Variants in IFT80 observed in about 807,000 individuals in gnomAD.
IFT80 encodes the protein intraflagellar transport protein 80 homolog.
A neutral mutation model predicts 107.9 loss-of-function variants in IFT80; 79 were observed. The ratio of observed to expected loss-of-function variants is 0.73; its 90% CI spans 0.61 to 0.88. The LOEUF is 0.88. IFT80 is among the 40% of genes least tolerant of loss of function. IFT80 has a pLI of 0.00. For missense variants in IFT80, 797 were observed against 914.2 expected (o/e 0.87, Z 1.65); for synonymous variants, 299 against 300.9 (o/e 0.99, Z 0.07).
intron 5 of IFT80, among the ~76,000 whole-genome samples, chr3:160,374,600 A>G (rs1363903758): frequency 6.6e-6 from 1 of 152,142 alleles, no homozygotes; most frequent in Non-Finnish European, 1.5e-5. Flanking sequence ...ACAGCAGCTG[A>G]AATTCTTGTA....
chr3:160,272,092 T>C (rs190558147), intron 18 of IFT80, among the ~76,000 whole-genome samples: 42 of 152,234 alleles, frequency 2.8e-4, no homozygotes, highest in Admixed American at 2.6e-3. Flanking sequence ...GTAAATTCTA[T>C]AGGTCCAGTT....
chr3:160,258,382 A>G lies in IFT80; in HGVS notation c.*143T>C. ...ATTACTTTGTGTTTCATCTTTCTGC[A>G]TGTACTTTTACACTAAATACACAGC... On this transcript the variant is annotated 3_prime_UTR_variant, in exon 20 of 20. Coordinates refer to ENST00000326448, the MANE Select transcript of IFT80 (RefSeq NM_020800.3). 1.0e-6 allele frequency: 1 copy of G among 959,308 alleles called. No individual in the cohort carries two copies. The highest frequency in any genetic ancestry group is 1.6e-6 in the Non-Finnish European group (1 of 640,498). 59.4% of individuals were successfully genotyped at this position (959,308 alleles called of 1,614,324 possible).
intron 1 of IFT80, among the ~76,000 whole-genome samples, chr3:160,389,287 T>C (rs1020407270): frequency 1.3e-5 from 2 of 152,198 alleles, no homozygotes; most frequent in Non-Finnish European, 2.9e-5. Context: ...TAGATTTATA[T>C]AGAAAAATGG....
intron 19 of IFT80, among the ~76,000 whole-genome samples, chr3:160,261,801 C>CA (rs557472950): frequency 0.12 from 7,989 of 66,434 alleles, 751 homozygotes; most frequent in African/African-American, 0.31. Context: ...GACCCTGTCT[C>CA]AAAAAAAAAA....
chr3:160,307,857 T>A, intron 9 of IFT80, 76 bp from the exon 10 acceptor site: 1 of 795,972 alleles, frequency 1.3e-6, no homozygotes. Flanking sequence ...AGCAAGATTT[T>A]GAAACACAAA....
At chr3:160,260,791 T>C (rs573431491) in intron 19 of IFT80, among the ~76,000 whole-genome samples, 220 of 152,348 alleles carry the variant, frequency 1.4e-3, no homozygotes, top group African/African-American at 4.6e-3. Context: ...AGCCAATTCT[T>C]AGTCACCTAT....
At chr3:160,283,116 G>GT (rs1202948969) in intron 13 of IFT80, among the ~76,000 whole-genome samples, 1 of 152,038 alleles carries the variant, frequency 6.6e-6, no homozygotes, top group Non-Finnish European at 1.5e-5. Flanking sequence ...TGTAATGTAG[G>GT]TATTACTATA....
At chr3:160,266,514 G>A (rs1431291250) in intron 19 of IFT80, among the ~76,000 whole-genome samples, 1 of 151,884 alleles carries the variant, frequency 6.6e-6, no homozygotes, top group African/African-American at 2.4e-5. Flanking sequence ...CTCCCAAGTA[G>A]CTGGGACTAC....
intron 8 of IFT80, among the ~76,000 whole-genome samples, chr3:160,335,549 A>G (rs1300817687): frequency 6.6e-6 from 1 of 152,166 alleles, no homozygotes; most frequent in Non-Finnish European, 1.5e-5. Context: ...TAAGACACCA[A>G]TATAGATACT....
intron 12 of IFT80, among the ~76,000 whole-genome samples, chr3:160,287,184 A>G (rs1322372734): frequency 6.6e-6 from 1 of 152,240 alleles, no homozygotes; most frequent in East Asian, 1.9e-4. Context: ...AAGAGGGCAC[A>G]GAAACTCTGT....
intron 19 of IFT80, among the ~76,000 whole-genome samples, chr3:160,267,627 G>C (rs1467595439): frequency 6.6e-6 from 1 of 152,230 alleles, no homozygotes. Flanking sequence ...GAGCCTAAAA[G>C]AATCTGGCTA....
chr3:160,370,841 C>T (rs1459268718), intron 5 of IFT80, among the ~76,000 whole-genome samples: 3 of 152,168 alleles, frequency 2.0e-5, no homozygotes, highest in African/African-American at 7.2e-5. Context: ...TGAGAACTAT[C>T]CACTTTTCCA....
chr3:160,383,556 A>C (rs1198325530), intron 2 of IFT80: 7 of 797,538 alleles, frequency 8.8e-6, no homozygotes, highest in Non-Finnish European at 1.1e-5. Context: ...CAATAAAAAT[A>C]AAATATTAGA....
At position 160,322,000 on chromosome 3, in the gene IFT80, CTTG is replaced by C. The variant is rs1370318888; in HGVS notation, c.778-2064_778-2062del. 7.9e-5 allele frequency among the ~76,000 whole-genome samples: 11 copies of C among 138,890 alleles called. 1 individual carries two copies. Among genetic ancestry groups the C allele is most frequent in the African/African-American group, 8.4e-5 (3 of 35,920 alleles). 91.1% of individuals were successfully genotyped at this position (138,890 alleles called of 152,430 possible). ...TGACAGTAGAAAGGGTCATTGTCAG[CTTG>C]TTATTTATTTATTTATTTATTTATT... On this transcript the variant is annotated intron_variant, in intron 8 of 19. Transcript: ENST00000326448.
At chr3:160,322,459 A>C (rs1373863068) in intron 8 of IFT80, among the ~76,000 whole-genome samples, 1 of 151,950 alleles carries the variant, frequency 6.6e-6, no homozygotes, top group Non-Finnish European at 1.5e-5. Flanking sequence ...GGTTGGTTCC[A>C]AGTCTTTGCT....
At chr3:160,290,418 A>C (rs1715459856) in intron 12 of IFT80, among the ~76,000 whole-genome samples, 1 of 150,674 alleles carries the variant, frequency 6.6e-6, no homozygotes, top group Non-Finnish European at 1.5e-5. Flanking sequence ...AAACAGAAAA[A>C]AAAAAAGAAA....
intron 8 of IFT80, among the ~76,000 whole-genome samples, chr3:160,345,242 AC>A (rs1359650698): frequency 6.6e-6 from 1 of 152,204 alleles, no homozygotes; most frequent in Non-Finnish European, 1.5e-5. Context: ...ACAATGGAGT[AC>A]TATTCAGCCA....
chr3:160,345,693 C>CAAAAAA (rs75389794), intron 8 of IFT80, among the ~76,000 whole-genome samples: 1 of 74,900 alleles, frequency 1.3e-5, no homozygotes, highest in South Asian at 5.2e-4. Context: ...GACTCTGTCT[C>CAAAAAA]AAAAAAAAAA....
In IFT80 at chr3:160,258,108, T is replaced by C. The variant is rs778131263; in HGVS notation, c.*417A>G. 5.1e-4 allele frequency: 109 copies of C among 212,550 alleles called. No individual in the cohort carries two copies. The highest frequency in any genetic ancestry group is 8.4e-4 in the Non-Finnish European group (89 of 105,348). 13.2% of individuals were successfully genotyped at this position (212,550 alleles called of 1,614,324 possible). A position where few individuals can be genotyped will look rare whatever the true frequency, so the allele number is the denominator to read the frequency against. ...TTGTACAAATCCATCCTCATGTATT[T>C]TTGTTCTATAAATAAACTTTTGGAG... On this transcript the variant is annotated 3_prime_UTR_variant, in exon 20 of 20. Transcript: ENST00000326448.
Sources: allele counts gnomAD v4.1 joint callset (sites outside exome capture counted in the v4.1 genomes callset), GRCh38; gene constraint gnomAD v4.1.1; transcripts MANE v1.5; gene names NCBI Gene and HGNC (gene_info 2026-07-23, HGNC 2026-07-21).